The following OVCH1 variants were observed in gnomAD, a reference collection of about 807,000 sequenced individuals.
OVCH1 encodes ovochymase-1.
A neutral mutation model predicts 138.4 loss-of-function variants in OVCH1; 139 were observed. The observed-to-expected ratio is 1.00, with a 90% confidence interval of 0.87 to 1.16. The LOEUF is 1.16. Among genes scored for constraint, OVCH1 ranks in the 50% most tolerant of loss-of-function variants. The pLI, the probability that OVCH1 is intolerant of heterozygous loss-of-function variation, is 0.00. For missense variants in OVCH1, 1,367 were observed against 1,357.9 expected (o/e 1.01, Z -0.11); for synonymous variants, 453 against 467.8 (o/e 0.97, Z 0.41).
intron 16 of OVCH1, among the ~76,000 whole-genome samples, chr12:29,466,869 C>A (rs975531243): frequency 1.3e-5 from 2 of 152,094 alleles, no homozygotes; most frequent in African/African-American, 2.4e-5. Flanking sequence ...CCATTTAATT[C>A]TTCCATTTCT....
the OVCH1 span, among the ~76,000 whole-genome samples, chr12:29,406,518 ATTG>A: frequency 2.7e-5 from 2 of 74,882 alleles, no homozygotes; most frequent in Non-Finnish European, 8.5e-5. Flanking sequence ...ATATGTTCTC[ATTG>A]TTCAGTTCCC....
downstream of OVCH1, among the ~76,000 whole-genome samples, chr12:29,423,684 G>A (rs1422842298): frequency 6.6e-6 from 1 of 152,164 alleles, no homozygotes; most frequent in Non-Finnish European, 1.5e-5. Context: ...TGGCACAAAG[G>A]TGGTCCTGAT....
At chr12:29,431,048 A>G (rs1008454412) in intron 27 of OVCH1, 4 of 335,344 alleles carry the variant, frequency 1.2e-5, no homozygotes, top group African/African-American at 6.5e-5. Flanking sequence ...AATACACCCA[A>G]TTAAACTTTT....
chr12:29,486,137 A>T, intron 8 of OVCH1, 113 bp downstream of exon 8: 1 of 1,050,876 alleles, frequency 9.5e-7, no homozygotes, highest in East Asian at 2.5e-5. Context: ...TAAAGTTTAC[A>T]TTCAAAAATT....
At chr12:29,406,417 G>C in the OVCH1 span, among the ~76,000 whole-genome samples, 1 of 152,052 alleles carries the variant, frequency 6.6e-6, no homozygotes, top group Non-Finnish European at 1.5e-5. Context: ...CCACTAACTT[G>C]TCATCTAGCA....
exon 16 of OVCH1, chr12:29,471,973 C>T: frequency 6.2e-7 from 1 of 1,610,310 alleles, no homozygotes; most frequent in Non-Finnish European, 8.5e-7. Context: ...TGGAGGGATG[C>T]CACAGACATC....
At chr12:29,495,176 A>T in intron 4 of OVCH1, 109 bp downstream of exon 4, 2 of 1,091,882 alleles carry the variant, frequency 1.8e-6, no homozygotes, top group Admixed American at 4.9e-5. Flanking sequence ...AAAGAAACAA[A>T]GCTTAGCTAT....
chr12:29,465,004 A>T, intron 17 of OVCH1, 143 bp downstream of exon 17: 1 of 802,704 alleles, frequency 1.2e-6, no homozygotes, highest in Non-Finnish European at 1.9e-6. Flanking sequence ...CTCAAATTGC[A>T]TTTTTAAATG....
intron 12 of OVCH1, among the ~76,000 whole-genome samples, chr12:29,476,806 CAG>C (rs201538546): frequency 0.15 from 5,446 of 37,500 alleles, 246 homozygotes; most frequent in African/African-American, 0.3. Flanking sequence ...CACACACACA[CAG>C]GTTAGTAAAT....
At chr12:29,495,566 G>C (rs1943392862) in intron 3 of OVCH1, 109 bp from the exon 4 acceptor site, 1 of 970,086 alleles carries the variant, frequency 1.0e-6, no homozygotes, top group South Asian at 1.7e-5. Flanking sequence ...GCATCCCTGA[G>C]TCTTTGAAGA....
At chr12:29,489,734 A>G in exon 6 of OVCH1, 2 of 1,611,266 alleles carry the variant, frequency 1.2e-6, no homozygotes, top group Non-Finnish European at 1.7e-6. Flanking sequence ...CCATGATGGG[A>G]AGTTCCATTT....
intron 25 of OVCH1, chr12:29,440,685 G>A (rs962462793): frequency 8.8e-6 from 4 of 455,202 alleles, no homozygotes; most frequent in African/African-American, 8.0e-5. Context: ...AGAAGCTGTG[G>A]TCTTCTTGGT....
exon 5 of OVCH1, chr12:29,491,115 A>C (rs759614281): frequency 3.7e-5 from 60 of 1,613,596 alleles, no homozygotes; most frequent in Non-Finnish European, 4.7e-5. Context: ...ATCTTGCCCC[A>C]TCCACTGGAT....
At chr12:29,415,186 G>GTGTT (rs1179012587) in intron 3 of OVCH1, among the ~76,000 whole-genome samples, 2 of 152,174 alleles carry the variant, frequency 1.3e-5, no homozygotes, top group African/African-American at 2.4e-5. Flanking sequence ...GTATCAGGTG[G>GTGTT]TGTTAAGTAG....
intron 8 of OVCH1, among the ~76,000 whole-genome samples, chr12:29,483,491 A>C (rs1444011508): frequency 6.6e-6 from 1 of 152,176 alleles, no homozygotes; most frequent in Non-Finnish European, 1.5e-5. Flanking sequence ...GAAAGTTATA[A>C]TCTTTCCATC....
intron 3 of OVCH1, among the ~76,000 whole-genome samples, chr12:29,416,598 C>A (rs1199026811): frequency 6.6e-6 from 1 of 152,164 alleles, no homozygotes; most frequent in Non-Finnish European, 1.5e-5. Context: ...TAAGATATCA[C>A]TACCACTACA....
At chr12:29,433,881 A>T in intron 26 of OVCH1, 2 of 1,274,292 alleles carry the variant, frequency 1.6e-6, no homozygotes, top group Non-Finnish European at 2.1e-6. Context: ...CATGTCCAAA[A>T]AAAAAAGAAA....
chr12:29,418,232 C>G (rs961439967), intron 3 of OVCH1, among the ~76,000 whole-genome samples: 2 of 152,174 alleles, frequency 1.3e-5, no homozygotes, highest in Non-Finnish European at 2.9e-5. Context: ...GTAACAATTC[C>G]TCACCCAGTT....
chr12:29,434,441 A>G (rs1394203170), intron 26 of OVCH1, among the ~76,000 whole-genome samples: 1 of 152,182 alleles, frequency 6.6e-6, no homozygotes, highest in Non-Finnish European at 1.5e-5. Flanking sequence ...AAGCTGACAA[A>G]TGAAACAAAG....
Sources: gnomAD v4.1 joint callset for allele counts (sites outside exome capture counted in the v4.1 genomes callset) on GRCh38, gnomAD v4.1.1 for gene constraint, MANE v1.5 for transcripts, NCBI Gene and HGNC (gene_info 2026-07-23, HGNC 2026-07-21) for gene names.